Variants in NKAIN3 observed in about 807,000 individuals in gnomAD.
The protein encoded by NKAIN3 is sodium/potassium-transporting ATPase subunit beta-1-interacting protein 3.
A neutral mutation model predicts 30.2 loss-of-function variants in NKAIN3; 25 were observed. The ratio of observed to expected loss-of-function variants is 0.83; its 90% CI spans 0.60 to 1.16. The LOEUF (loss-of-function observed/expected upper bound fraction) is 1.16, where lower values mean the gene tolerates loss of function less well. NKAIN3 is among the 50% of genes most tolerant of loss of function. The pLI is 0.00. For missense variants in NKAIN3, 225 were observed against 254.1 expected (o/e 0.89, Z 0.78); for synonymous variants, 91 against 89.6 (o/e 1.02, Z -0.09).
chr8:62,899,788 A>G (rs1267544871), intron 4 of NKAIN3, among the ~76,000 whole-genome samples: 20 of 152,154 alleles, frequency 1.3e-4, no homozygotes, highest in Admixed American at 1.3e-3. Flanking sequence ...GAAGGGATGG[A>G]TACCCCATTT....
At chr8:62,879,614 C>CTA (rs912961494) in intron 4 of NKAIN3, among the ~76,000 whole-genome samples, 1 of 152,110 alleles carries the variant, frequency 6.6e-6, no homozygotes, top group African/African-American at 2.4e-5. Flanking sequence ...GCACAGCTGT[C>CTA]TATGGGTGGG....
chr8:62,653,637 A>G (rs752751040), intron 3 of NKAIN3, among the ~76,000 whole-genome samples: 12 of 152,198 alleles, frequency 7.9e-5, no homozygotes, highest in Non-Finnish European at 1.6e-4. Context: ...AGGAACAAGG[A>G]GGATGCAATT....
intron 4 of NKAIN3, among the ~76,000 whole-genome samples, chr8:62,901,189 C>G (rs1285903325): frequency 6.6e-6 from 1 of 152,162 alleles, no homozygotes; most frequent in Non-Finnish European, 1.5e-5. Flanking sequence ...GACATGAGAT[C>G]CTCTCCCACC....
chr8:62,270,356 A>G (rs887045179), intron 1 of NKAIN3, among the ~76,000 whole-genome samples: 1 of 152,284 alleles, frequency 6.6e-6, no homozygotes, highest in Admixed American at 6.5e-5. Flanking sequence ...TGCTGGGATT[A>G]CAGTCATGAG....
chr8:62,736,500 G>T (rs1815680294), intron 3 of NKAIN3, among the ~76,000 whole-genome samples: 1 of 152,120 alleles, frequency 6.6e-6, no homozygotes, highest in Admixed American at 6.5e-5. Context: ...CTCCCACGCA[G>T]CACCAAAGCC....
intron 2 of NKAIN3, among the ~76,000 whole-genome samples, chr8:62,585,512 AT>A (rs1810441321): frequency 6.6e-6 from 1 of 151,960 alleles, no homozygotes; most frequent in South Asian, 2.1e-4. Flanking sequence ...ATGGAAGACA[AT>A]TTTTCCAGAG....
intron 4 of NKAIN3, among the ~76,000 whole-genome samples, chr8:62,798,605 T>A (rs1236364671): frequency 6.7e-6 from 1 of 148,362 alleles, no homozygotes; most frequent in African/African-American, 2.6e-5. Flanking sequence ...AAAGTAAAAA[T>A]AAAAGTAGAA....
intron 4 of NKAIN3, among the ~76,000 whole-genome samples, chr8:62,875,671 C>T (rs1204383389): frequency 6.6e-6 from 1 of 152,130 alleles, no homozygotes; most frequent in Non-Finnish European, 1.5e-5. Context: ...AATAACAACA[C>T]AAATCTACAA....
intron 3 of NKAIN3, among the ~76,000 whole-genome samples, chr8:62,613,762 C>G (rs1811361878): frequency 6.6e-6 from 1 of 152,002 alleles, no homozygotes; most frequent in African/African-American, 2.4e-5. Context: ...TTCAAGCTCA[C>G]TAATTATTAC....
At chr8:62,843,685 C>G (rs1384559497) in intron 4 of NKAIN3, among the ~76,000 whole-genome samples, 1 of 152,018 alleles carries the variant, frequency 6.6e-6, no homozygotes, top group Admixed American at 6.6e-5. Flanking sequence ...AGACTTTTGA[C>G]TTCTAGAAAT....
chr8:62,527,690 T>C (rs1808348516), intron 1 of NKAIN3, among the ~76,000 whole-genome samples: 1 of 152,018 alleles, frequency 6.6e-6, no homozygotes, highest in Non-Finnish European at 1.5e-5. Flanking sequence ...AATGTATTAT[T>C]ATATTTATCT....
At chr8:62,906,864 C>G (rs532117302) in intron 4 of NKAIN3, among the ~76,000 whole-genome samples, 1 of 152,202 alleles carries the variant, frequency 6.6e-6, no homozygotes, top group South Asian at 2.1e-4. Context: ...TGAGAACAGA[C>G]TAATACAGTA....
chr8:62,605,634 A>C (rs1276185039), intron 3 of NKAIN3, among the ~76,000 whole-genome samples: 1 of 152,110 alleles, frequency 6.6e-6, no homozygotes, highest in African/African-American at 2.4e-5. Flanking sequence ...AGAAATAAAA[A>C]ATAATACCAA....
At chr8:62,800,530 C>A (rs1818020677) in intron 4 of NKAIN3, among the ~76,000 whole-genome samples, 1 of 152,180 alleles carries the variant, frequency 6.6e-6, no homozygotes, top group Non-Finnish European at 1.5e-5. Context: ...TCATGTAGAT[C>A]TGCAGACATA....
At chr8:62,593,089 A>G (rs1810708726) in intron 3 of NKAIN3, among the ~76,000 whole-genome samples, 1 of 152,010 alleles carries the variant, frequency 6.6e-6, no homozygotes, top group Admixed American at 6.6e-5. Context: ...ACAAAGTCAA[A>G]CAATGTGTCT....
chr8:62,364,433 A>G (rs1434467571), intron 1 of NKAIN3, among the ~76,000 whole-genome samples: 1 of 152,128 alleles, frequency 6.6e-6, no homozygotes, highest in African/African-American at 2.4e-5. Flanking sequence ...TTCTTACTAA[A>G]TTTGTTGGCC....
chr8:62,487,949 G>T (rs1806952266), intron 1 of NKAIN3, among the ~76,000 whole-genome samples: 1 of 152,196 alleles, frequency 6.6e-6, no homozygotes, highest in African/African-American at 2.4e-5. Flanking sequence ...TGAGAACTTT[G>T]AGTGAGTTTT....
At chr8:62,691,711 T>G (rs938017425) in intron 3 of NKAIN3, among the ~76,000 whole-genome samples, 1 of 152,216 alleles carries the variant, frequency 6.6e-6, no homozygotes, top group African/African-American at 2.4e-5. Flanking sequence ...GGAAAGAAAC[T>G]ACTTTGTTTT....
intron 4 of NKAIN3, among the ~76,000 whole-genome samples, chr8:62,761,083 A>G (rs1215327081): frequency 1.3e-5 from 2 of 152,106 alleles, no homozygotes; most frequent in Non-Finnish European, 2.9e-5. Context: ...AAAATTTTTT[A>G]ATTTTTCTTT....
Sources: gnomAD v4.1 joint callset for allele counts (sites outside exome capture counted in the v4.1 genomes callset) on GRCh38, gnomAD v4.1.1 for gene constraint, MANE v1.5 for transcripts, NCBI Gene and HGNC (gene_info 2026-07-23, HGNC 2026-07-21) for gene names.